Variants in RNF157 observed in about 807,000 individuals in gnomAD.
The protein encoded by RNF157 is ring finger protein 157.
RNF157 carries 55 observed loss-of-function variants against 88.3 expected under a neutral mutation model. That is an observed-to-expected ratio of 0.62 (90% CI 0.50 to 0.78). The LOEUF is 0.78. Among genes scored for constraint, RNF157 ranks in the 30% least tolerant of loss-of-function variants. RNF157 has a pLI of 0.00. For synonymous variants in RNF157, 334 were observed against 341.2 expected (o/e 0.98, Z 0.23); for missense variants, 788 against 860.8 (o/e 0.92, Z 1.06).
rs2070360191 is a variant in RNF157 at position 76,240,366 on chromosome 17, G to A, written c.-126C>T. 1 of 243,298 alleles carries A rather than the reference G, an allele frequency of 4.1e-6. No individual in the cohort carries two copies. The highest frequency in any genetic ancestry group is 6.5e-6 in the Non-Finnish European group (1 of 154,662). 15.1% of individuals were successfully genotyped at this position (243,298 alleles called of 1,614,324 possible). On this transcript the variant is annotated 5_prime_UTR_variant, in exon 1 of 19. Transcript: ENST00000269391. The surrounding 1 kb of genome is among the most constrained non-coding windows in gnomAD (Gnocchi z 4.4). ...CCGCCGCGGCCGGCTCCGCTGCGGC[G>A]CTGCGGCTCTGGCGGCGGGGAGCCC...
chr17:76,200,277 A>C (rs1187505427), intron 2 of RNF157, among the ~76,000 whole-genome samples: 3 of 151,988 alleles, frequency 2.0e-5, no homozygotes, highest in Admixed American at 6.6e-5. Flanking sequence ...ACCAAAAAAA[A>C]CCGAGGCATT....
At chr17:76,227,123 T>G (rs980834246) in intron 1 of RNF157, among the ~76,000 whole-genome samples, 9 of 151,538 alleles carry the variant, frequency 5.9e-5, no homozygotes, top group Non-Finnish European at 1.0e-4. Flanking sequence ...TTTTGTTTTT[T>G]TTTTTTTTTG....
At chr17:76,203,060 C>T (rs751761930) in intron 2 of RNF157, among the ~76,000 whole-genome samples, 4 of 151,324 alleles carry the variant, frequency 2.6e-5, no homozygotes, top group Non-Finnish European at 5.9e-5. Flanking sequence ...GCATGATCTC[C>T]GCTCGCTGCA....
In RNF157 at chr17:76,220,657, T is replaced by TA. The variant is rs201096545; in HGVS notation, c.89-8176_89-8175insT. ...GACACTGTCTCTACAAATTTATTAT[T>TA]TTTTTTTTTTTAGTTAGCTGGGCCA... On this transcript the variant is annotated intron_variant, in intron 1 of 18. Transcript: ENST00000269391. 8.7e-5 allele frequency among the ~76,000 whole-genome samples: 13 copies of TA among 148,712 alleles called. No homozygotes were observed. The East Asian group carries it at 1.6e-3, about 18-fold the overall frequency.
At chr17:76,198,916 C>T (rs1313995844) in intron 2 of RNF157, among the ~76,000 whole-genome samples, 1 of 152,264 alleles carries the variant, frequency 6.6e-6, no homozygotes, top group East Asian at 1.9e-4. Flanking sequence ...GCAGTGCACA[C>T]ACCGTCTGTT....
chr17:76,179,421 G>A (rs943328845), intron 2 of RNF157, among the ~76,000 whole-genome samples: 2 of 152,046 alleles, frequency 1.3e-5, no homozygotes, highest in Non-Finnish European at 2.9e-5. Flanking sequence ...GCCAAGCGTG[G>A]TGGTTCATGT....
At chr17:76,201,347 A>T (rs2069574775) in intron 2 of RNF157, among the ~76,000 whole-genome samples, 1 of 151,272 alleles carries the variant, frequency 6.6e-6, no homozygotes, top group African/African-American at 2.4e-5. Flanking sequence ...AAAAGAGAAA[A>T]AGAAAAAATT....
rs1487993630 is a variant in RNF157, at chr17:76,145,018, C to T, written c.*217G>A. 7 of 516,580 alleles carry T rather than the reference C, an allele frequency of 1.4e-5. No homozygotes were observed. Among genetic ancestry groups the T allele is most frequent in the Non-Finnish European group, 2.1e-5 (6 of 291,622 alleles). 32.0% of individuals were successfully genotyped at this position (516,580 alleles called of 1,614,324 possible). A position where few individuals can be genotyped will look rare whatever the true frequency, so the allele number is the denominator to read the frequency against. The stretch of plus-strand genomic sequence containing the variant: ...ATTCCAGAGTCCCTGCAAAAGGTCT[C>T]GTGAGCTGCAGTTCATTGAGTGGCT... On this transcript the variant is annotated 3_prime_UTR_variant, in exon 19 of 19. Transcript: ENST00000269391.
intron 18 of RNF157, among the ~76,000 whole-genome samples, chr17:76,150,676 C>G (rs1211186650): frequency 1.3e-5 from 2 of 152,216 alleles, no homozygotes; most frequent in Non-Finnish European, 2.9e-5. Context: ...AAAACCAAAT[C>G]CTTTCCATAG....
intron 2 of RNF157, among the ~76,000 whole-genome samples, chr17:76,191,575 T>C (rs2069385806): frequency 7.8e-6 from 1 of 127,398 alleles, no homozygotes; most frequent in African/African-American, 3.1e-5. Flanking sequence ...CACTCCAGCC[T>C]GGGCGACAGA....
chr17:76,239,765 T>C (rs1033674154), intron 1 of RNF157, among the ~76,000 whole-genome samples: 3 of 152,042 alleles, frequency 2.0e-5, no homozygotes, highest in Admixed American at 6.5e-5. Flanking sequence ...GCGAGGCAGG[T>C]AGGCTTTGGG....
chr17:76,213,387 C>T (rs973835767), intron 1 of RNF157, among the ~76,000 whole-genome samples: 3 of 151,640 alleles, frequency 2.0e-5, no homozygotes, highest in South Asian at 2.1e-4. Flanking sequence ...CTGGCCAACA[C>T]GGTGAAACCC....
chr17:76,155,479 G>A, intron 15 of RNF157, 83 bp downstream of exon 15: 1 of 1,540,662 alleles, frequency 6.5e-7, no homozygotes, highest in African/African-American at 1.4e-5. Flanking sequence ...TTGCAGCCAT[G>A]CATGGCAGAC....
At chr17:76,194,448 C>T (rs960563124) in intron 2 of RNF157, among the ~76,000 whole-genome samples, 4 of 152,212 alleles carry the variant, frequency 2.6e-5, no homozygotes, top group African/African-American at 9.7e-5. Context: ...GGTAAATTCA[C>T]TAGAGCCTGA....
At chr17:76,227,024 C>T (rs1291307754) in intron 1 of RNF157, among the ~76,000 whole-genome samples, 5 of 151,640 alleles carry the variant, frequency 3.3e-5, no homozygotes, top group Non-Finnish European at 7.4e-5. Context: ...ACCCTGAGGG[C>T]GGGGAGGAGG....
intron 2 of RNF157, among the ~76,000 whole-genome samples, chr17:76,179,266 C>G (rs1375216328): frequency 6.6e-6 from 1 of 151,892 alleles, no homozygotes; most frequent in East Asian, 1.9e-4. Context: ...TGGTGGCACA[C>G]ACCTGTAGTC....
chr17:76,233,481 T>C (rs1016268629), intron 1 of RNF157, among the ~76,000 whole-genome samples: 2 of 152,188 alleles, frequency 1.3e-5, no homozygotes, highest in Admixed American at 6.5e-5. Flanking sequence ...AAATAACATT[T>C]TTCTCCTATG....
intron 2 of RNF157, among the ~76,000 whole-genome samples, chr17:76,184,609 TAACTGCAGTA>T (rs2069250572): frequency 6.6e-6 from 1 of 152,198 alleles, no homozygotes; most frequent in African/African-American, 2.4e-5. Flanking sequence ...TGATCTATAT[TAACTGCAGTA>T]AACCTCTTTT....
chr17:76,210,378 G>A (rs968667674), intron 2 of RNF157, among the ~76,000 whole-genome samples: 5 of 151,234 alleles, frequency 3.3e-5, no homozygotes, highest in African/African-American at 9.8e-5. Context: ...CGGATCACGA[G>A]GTCAGATCGA....
Sources: gnomAD v4.1 joint callset for allele counts (sites outside exome capture counted in the v4.1 genomes callset) on GRCh38, gnomAD v4.1.1 for gene constraint, Gnocchi (gnomAD v3.1) non-coding constraint, MANE v1.5 for transcripts, NCBI Gene and HGNC (gene_info 2026-07-23, HGNC 2026-07-21) for gene names.